Variants in TGM4 observed in about 807,000 individuals in gnomAD.
TGM4 encodes protein-glutamine gamma-glutamyltransferase 4.
Under a neutral mutation model 76.3 loss-of-function variants are expected in TGM4, and 61 were observed. That is an observed-to-expected ratio of 0.80 (90% CI 0.65 to 0.99). The LOEUF is 0.99. Ranked by LOEUF, TGM4 falls within the 50% of genes least tolerant of loss-of-function variation. The pLI, the probability that TGM4 is intolerant of heterozygous loss-of-function variation, is 0.00. For synonymous variants in TGM4, 337 were observed against 329.8 expected (o/e 1.02, Z -0.24); for missense variants, 794 against 843.2 (o/e 0.94, Z 0.72).
At chr3:44,891,700 C>A (rs1323703597) in intron 4 of TGM4, among the ~76,000 whole-genome samples, 1 of 152,168 alleles carries the variant, frequency 6.6e-6, no homozygotes, top group South Asian at 2.1e-4. Flanking sequence ...AGCAGCCAGG[C>A]GTGGTGGCTC....
intron 8 of TGM4, 66 bp from the exon 9 acceptor site, chr3:44,903,818 G>T: frequency 7.1e-7 from 1 of 1,414,310 alleles, no homozygotes; most frequent in Non-Finnish European, 1.0e-6. Flanking sequence ...TGGCAATTTT[G>T]GCGTATTTAT....
rs377277448 is a variant in TGM4 at position 44,881,870 on chromosome 3, T to C, written c.20-3455T>C. On this transcript the variant is annotated intron_variant, in intron 1 of 13. Coordinates refer to ENST00000296125, the MANE Select transcript of TGM4 (RefSeq NM_003241.4). ...CATTGCAGAGACTTTTGTTTTTTAA[T>C]ACTCAAATAATTTAAACTCCAACCC... 2.6e-5 allele frequency among the ~76,000 whole-genome samples: 4 copies of C among 152,162 alleles called. No homozygotes were observed. The South Asian group carries it at 6.2e-4, about 24-fold the overall frequency.
At chr3:44,875,130 A>G (rs1199837368) in intron 1 of TGM4, among the ~76,000 whole-genome samples, 3 of 152,244 alleles carry the variant, frequency 2.0e-5, no homozygotes, top group African/African-American at 2.4e-5. Flanking sequence ...AACCAATACA[A>G]TTATGAAGAC....
At chr3:44,879,257 CTCTCTCTCTATA>C (rs1227704515) in intron 1 of TGM4, among the ~76,000 whole-genome samples, 184 of 100,466 alleles carry the variant, frequency 1.8e-3, no homozygotes, top group African/African-American at 5.5e-3. Flanking sequence ...CTCTCTCTCT[CTCTCTCTCTATA>C]TATATATATA....
intron 3 of TGM4, chr3:44,889,137 A>G (rs530968608): frequency 7.3e-6 from 1 of 137,182 alleles, no homozygotes; most frequent in East Asian, 2.5e-4. Context: ...AGAGCTGGCC[A>G]GCCTGGGCAA....
Position 44,885,477 on chromosome 3 carries a change from C to T in TGM4, c.172C>T (p.Leu58=), listed in dbSNP as rs775244330. The T allele has an allele frequency of 3.1e-6, 5 of 1,611,932 alleles. No individual in the cohort carries two copies. The highest frequency in any genetic ancestry group is 2.2e-5 in the South Asian group (2 of 90,964). Residue 58 remains leucine, a synonymous_variant, in exon 2 of 14, where the codon CTG becomes TTG. Transcript: ENST00000296125. Reference sequence around the variant, plus strand: ...CCAGCCCCTACAATCCTACCACCAACTGAAACTGGAATTCAGCACAGGTGA... The same window carrying T: ...CCAGCCCCTACAATCCTACCACCAATTGAAACTGGAATTCAGCACAGGTGA... The part of the protein sequence containing the change: ...LNQPLQSYHQ[L]KLEFSTGPNP...
chr3:44,878,717 A>G (rs1216732761), intron 1 of TGM4, among the ~76,000 whole-genome samples: 2 of 151,996 alleles, frequency 1.3e-5, no homozygotes, highest in Non-Finnish European at 2.9e-5. Flanking sequence ...CCTGGCCTCA[A>G]GTGATCCGCC....
rs145655430 is a variant in TGM4, at chr3:44,886,666, C to T, written c.194-1023C>T. Reference sequence around the variant, plus strand: ...AGTACTTGCCACATGCCAGGTGTTGCACTGAGCACTCTCCATGTATGACAT... The same window carrying T: ...AGTACTTGCCACATGCCAGGTGTTGTACTGAGCACTCTCCATGTATGACAT... On this transcript the variant is annotated intron_variant, in intron 2 of 13. Transcript: ENST00000296125. Among the ~76,000 whole-genome samples, 5 of 152,340 alleles carry T rather than the reference C, an allele frequency of 3.3e-5. No homozygotes were observed. The East Asian group carries it at 9.7e-4, about 29-fold the overall frequency.
At chr3:44,882,043 T>C (rs1158806573) in intron 1 of TGM4, among the ~76,000 whole-genome samples, 1 of 121,710 alleles carries the variant, frequency 8.2e-6, no homozygotes, top group Non-Finnish European at 1.7e-5. Context: ...AGCTACAAAA[T>C]AAAAATACAA....
chr3:44,905,753 A>G (rs9829341), intron 9 of TGM4, among the ~76,000 whole-genome samples: 76,576 of 152,130 alleles, frequency 0.5, 19,870 homozygotes, highest in East Asian at 0.88. Context: ...CTCCAAAGAT[A>G]AGGCATTGCC....
At chr3:44,902,148 C>T (rs1699863983) in intron 8 of TGM4, among the ~76,000 whole-genome samples, 1 of 152,176 alleles carries the variant, frequency 6.6e-6, no homozygotes, top group African/African-American at 2.4e-5. Flanking sequence ...GTCTCCAGGC[C>T]CTCCCAACCC....
chr3:44,883,081 G>A (rs1216631389), intron 1 of TGM4, among the ~76,000 whole-genome samples: 1 of 152,212 alleles, frequency 6.6e-6, no homozygotes, highest in African/African-American at 2.4e-5. Flanking sequence ...CCATGGGGGA[G>A]CAGGAATAAG....
At chr3:44,888,932 G>A (rs1428429440) in intron 3 of TGM4, 1 of 151,826 alleles carries the variant, frequency 6.6e-6, no homozygotes, top group Admixed American at 6.6e-5. Context: ...TCCACCTCTT[G>A]GGCTACCTCT....
At position 44,910,372 on chromosome 3, in the gene TGM4, C is replaced by T. The variant is rs188861532; in HGVS notation, c.1606+4C>T. The T allele has an allele frequency of 1.2e-6, 2 of 1,612,352 alleles. No individual in the cohort carries two copies. The highest frequency in any genetic ancestry group is 2.7e-5 in the African/African-American group (2 of 75,000). Reference sequence around the variant, plus strand: ...ACCTCGCAGATCCAAGGTCAAGGTACCAGAACCAGAGGGAGGAGAGGCCTC... The same window carrying T: ...ACCTCGCAGATCCAAGGTCAAGGTATCAGAACCAGAGGGAGGAGAGGCCTC... On this transcript the variant is annotated splice_donor_region_variant and intron_variant, in intron 11 of 13. Transcript: ENST00000296125.
Position 44,890,722 on chromosome 3 carries a change from A to G in TGM4, c.420A>G (p.Pro140=), listed in dbSNP as rs1284822685. The change falls in exon 4 of 14, where the codon CCA becomes CCG. Residue 140 remains proline, a synonymous_variant. Coordinates refer to ENST00000296125, the MANE Select transcript of TGM4 (RefSeq NM_003241.4). ...EENILYLLFN[P]WCKEDMVFMP... is the part of the protein sequence containing the mutation. ...ACATCCTATACCTTCTCTTCAACCC[A>G]TGGTGTAAAGGTACTGTGAATCTCA... The G allele has an allele frequency of 6.2e-7, 1 of 1,614,056 alleles. No homozygotes were observed. The highest frequency in any genetic ancestry group is 1.1e-5 in the South Asian group (1 of 91,074).
At chr3:44,879,237 GTC>G (rs377695202) in intron 1 of TGM4, among the ~76,000 whole-genome samples, 3,135 of 117,824 alleles carry the variant, frequency 0.027, 86 homozygotes, top group African/African-American at 0.07. Context: ...CTATTTTATG[GTC>G]TCTCTCTCTC....
At chr3:44,902,766 A>T (rs1699872222) in intron 8 of TGM4, among the ~76,000 whole-genome samples, 1 of 152,160 alleles carries the variant, frequency 6.6e-6, no homozygotes, top group South Asian at 2.1e-4. Context: ...ACTAGTACCC[A>T]CTGGCCAGCA....
intron 10 of TGM4, among the ~76,000 whole-genome samples, chr3:44,909,410 T>C (rs1699970059): frequency 6.6e-6 from 1 of 152,202 alleles, no homozygotes; most frequent in Admixed American, 6.5e-5. Context: ...CTTATTGCCT[T>C]AGGAAACTGC....
At chr3:44,876,873 C>G (rs1699457993) in intron 1 of TGM4, among the ~76,000 whole-genome samples, 1 of 152,076 alleles carries the variant, frequency 6.6e-6, no homozygotes, top group Admixed American at 6.6e-5. Context: ...GCTCTCAGAT[C>G]TATAAGAAAA....
Sources: gnomAD v4.1 joint callset for allele counts (sites outside exome capture counted in the v4.1 genomes callset) on GRCh38, gnomAD v4.1.1 for gene constraint, MANE v1.5 for transcripts, NCBI Gene and HGNC (gene_info 2026-07-23, HGNC 2026-07-21) for gene names.